DCP1B: variants seen among roughly 807,000 people sequenced by gnomAD.
DCP1B encodes mRNA-decapping enzyme 1B.
DCP1B carries 47 observed loss-of-function variants against 60.5 expected under a neutral mutation model. The observed-to-expected ratio is 0.78, with a 90% CI of 0.61 to 0.99. DCP1B has a LOEUF of 0.99. DCP1B is among the 50% of genes least tolerant of loss of function. The pLI, the probability that DCP1B is intolerant of heterozygous loss-of-function variation, is 0.00. For synonymous variants in DCP1B, 267 were observed against 280.3 expected, an observed-to-expected ratio of 0.95 and a Z score of 0.47; for missense variants, 725 against 756.8, an observed-to-expected ratio of 0.96 and a Z score of 0.49.
At chr12:1,970,421 C>A (rs545283285) in intron 3 of DCP1B, among the ~76,000 whole-genome samples, 4,128 of 152,076 alleles carry the variant, frequency 0.027, 92 homozygotes, top group Middle Eastern at 0.054. Flanking sequence ...GAAAAAAAAA[C>A]CATTAACCAA....
chr12:1,966,385 G>C (rs562344773), intron 4 of DCP1B, among the ~76,000 whole-genome samples: 6 of 152,306 alleles, frequency 3.9e-5, no homozygotes, highest in African/African-American at 1.4e-4. Context: ...AGATAGACCA[G>C]ATTGCTCCTA....
chr12:1,948,529 T>C lies in DCP1B; in HGVS notation c.1773+557A>G, dbSNP rs1345967124. On this transcript the variant is annotated intron_variant, in intron 8 of 8. Transcript: ENST00000280665. The surrounding 1 kb of genome is among the most constrained non-coding windows in gnomAD (Gnocchi z 4.8). ...TATTATAGCACTCATTATTATTTCA[T>C]AATTTCATAGGCAAGTGAGGCTAGC... 6.6e-6 allele frequency among the ~76,000 whole-genome samples: 1 copy of C among 152,340 alleles called. No homozygotes were observed. Among genetic ancestry groups the C allele is most frequent in the East Asian group, 1.9e-4 (1 of 5,188 alleles).
intron 5 of DCP1B, among the ~76,000 whole-genome samples, chr12:1,959,650 C>G (rs2031047628): frequency 6.6e-6 from 1 of 152,150 alleles, no homozygotes; most frequent in African/African-American, 2.4e-5. Flanking sequence ...TATTAGTTAG[C>G]ATAGCTATTA....
At chr12:1,965,281 C>T (rs2031254512) in intron 5 of DCP1B, among the ~76,000 whole-genome samples, 1 of 152,082 alleles carries the variant, frequency 6.6e-6, no homozygotes, top group Admixed American at 6.5e-5. Context: ...TCTAACAAGA[C>T]TTACTACCAG....
chr12:1,946,345 T>C lies in DCP1B; in HGVS notation c.1774-59A>G, dbSNP rs541255463. On this transcript the variant is annotated intron_variant, in intron 8 of 8. Transcript: ENST00000280665. Reference sequence around the variant, plus strand: ...TACTTGGTTGGCAGACACAAAAGGCTTCCTCTGTCTTAGAGCTGAACTGGC... The same window carrying C: ...TACTTGGTTGGCAGACACAAAAGGCCTCCTCTGTCTTAGAGCTGAACTGGC... The C allele has an allele frequency of 3.6e-6, 5 of 1,376,690 alleles. No individual in the cohort carries two copies. In the East Asian group the frequency reaches 9.6e-5, roughly 26 times the overall value. 85.3% of individuals were successfully genotyped at this position (1,376,690 alleles called of 1,614,324 possible). A position where few individuals can be genotyped will look rare whatever the true frequency, so the allele number is the denominator to read the frequency against.
At position 1,952,957 on chromosome 12, in the gene DCP1B, A is replaced by G; in HGVS notation, c.983T>C (p.Phe328Ser). The G allele has an allele frequency of 6.2e-7, 1 of 1,614,122 alleles. No homozygotes were observed. Among genetic ancestry groups the G allele is most frequent in the Non-Finnish European group, 8.5e-7 (1 of 1,179,982 alleles). The stretch of plus-strand genomic sequence containing the variant: ...AGACCCTGGCTGGACAGGTCCTGTA[A>G]AAAATTCTCCCGCAGAATGGGTACT... ...NGSTHSAGEF[F>S]TGPVQPGSPH... The change falls in exon 7 of 9, where the codon TTT becomes TCT. Residue 328 changes from phenylalanine (F) to serine (S), a missense_variant. Physicochemically the swap from Phe to Ser is radical, Grantham distance 155. Coordinates refer to ENST00000280665, the MANE Select transcript of DCP1B (RefSeq NM_152640.5).
At position 1,991,565 on chromosome 12, in the gene DCP1B, T is replaced by C. The variant is rs141260908; in HGVS notation, c.319+1699A>G. ...AGGTTTTTTCCTTTTTTTTTTGCACTGTCTGACAGTTGGTGCCTGTTGGAC... is the reference window on the plus strand; with the variant it reads ...AGGTTTTTTCCTTTTTTTTTTGCACCGTCTGACAGTTGGTGCCTGTTGGAC... On this transcript the variant is annotated intron_variant, in intron 3 of 8. Coordinates refer to ENST00000280665, the MANE Select transcript of DCP1B (RefSeq NM_152640.5). 8.5e-5 allele frequency: 21 copies of C among 246,590 alleles called. No individual in the cohort carries two copies. In the East Asian group the frequency reaches 1.7e-3, roughly 20 times the overall value. The allele number at this position is 246,590 out of a possible 1,614,324, so 15.3% of individuals were successfully genotyped here.
chr12:1,979,646 TG>T lies in DCP1B; in HGVS notation c.320-11737del, dbSNP rs1306650387. On this transcript the variant is annotated intron_variant, in intron 3 of 8. Transcript: ENST00000280665. ...TAAGTAAATAACTACGAACGGAACT[TG>T]TTGGATCATACGCTAGTTATATGTT... Among the ~76,000 whole-genome samples, 4 of 152,254 alleles carry T rather than the reference TG, an allele frequency of 2.6e-5. No homozygotes were observed. In the East Asian group the frequency reaches 7.7e-4, roughly 29 times the overall value.
In DCP1B at chr12:2,001,033, G is replaced by A. The variant is rs570296919; in HGVS notation, c.151-3058C>T. Among the ~76,000 whole-genome samples, 13 of 106,910 alleles carry A rather than the reference G, an allele frequency of 1.2e-4. No homozygotes were observed. In the East Asian group the frequency reaches 3.0e-3, roughly 24 times the overall value. 70.1% of individuals were successfully genotyped at this position (106,910 alleles called of 152,430 possible). A position where few individuals can be genotyped will look rare whatever the true frequency, so the allele number is the denominator to read the frequency against. ...GCCTGGGGAACAAGAGCGAGACTTC[G>A]TCTCAAAAAAAAAAAAAAAAGAGAG... On this transcript the variant is annotated intron_variant, in intron 1 of 8. Transcript: ENST00000280665.
At chr12:1,985,955 T>A (rs564788125) in intron 3 of DCP1B, among the ~76,000 whole-genome samples, 1 of 152,106 alleles carries the variant, frequency 6.6e-6, no homozygotes, top group Non-Finnish European at 1.5e-5. Flanking sequence ...GGACTGCAGG[T>A]GCCTGCCACC....
intron 1 of DCP1B, among the ~76,000 whole-genome samples, chr12:1,998,401 C>T (rs2041437792): frequency 2.6e-5 from 4 of 152,128 alleles, no homozygotes; most frequent in Admixed American, 2.6e-4. Context: ...TTTCTGGGTT[C>T]ATTTTCTCCT....
intron 3 of DCP1B, among the ~76,000 whole-genome samples, chr12:1,979,713 T>C (rs2035562454): frequency 6.6e-6 from 1 of 152,254 alleles, no homozygotes; most frequent in Admixed American, 6.5e-5. Flanking sequence ...CCAAAGTAGT[T>C]GTAGCATATT....
At position 1,955,564 on chromosome 12, in the gene DCP1B, A is replaced by C. The variant is rs758675648; in HGVS notation, c.523-4T>G. 1.2e-6 allele frequency: 2 copies of C among 1,607,142 alleles called. No homozygotes were observed. The highest frequency in any genetic ancestry group is 2.2e-5 in the South Asian group (2 of 89,480). The stretch of plus-strand genomic sequence containing the variant: ...TTGGCTCAGAACAGGTTTTACACTG[A>C]AATAGAAAAGAAAATCCCCTCATTT... On this transcript the variant is annotated splice_region_variant and splice_polypyrimidine_tract_variant and intron_variant, in intron 5 of 8. Coordinates refer to ENST00000280665, the MANE Select transcript of DCP1B (RefSeq NM_152640.5).
chr12:1,998,077 G>T, intron 1 of DCP1B, 102 bp from the exon 2 acceptor site: 1 of 970,658 alleles, frequency 1.0e-6, no homozygotes, highest in Non-Finnish European at 1.5e-6. Flanking sequence ...TAACTTCAAT[G>T]GGCCAAATAT....
At chr12:1,969,578 G>GTTCTGAA (rs1279222252) in intron 3 of DCP1B, among the ~76,000 whole-genome samples, 8 of 139,682 alleles carry the variant, frequency 5.7e-5, no homozygotes, top group African/African-American at 2.1e-4. Context: ...GAACGTCTGA[G>GTTCTGAA]TTCTGAAGCC....
chr12:1,993,289 A>T lies in DCP1B; in HGVS notation c.294T>A (p.Pro98=), dbSNP rs150415068. ...TKDLDFQLQD[P]FLLYRNARLS... is the part of the protein sequence containing the mutation. ...ATCTGGCATTTCTGTAGAGAAGGAA[A>T]GGGTCCTGGAGTTGGAAATCCAAGT... The change falls in exon 3 of 9, where the codon CCT becomes CCA. Residue 98 remains proline (P), a synonymous_variant. Coordinates refer to ENST00000280665, the MANE Select transcript of DCP1B (RefSeq NM_152640.5). 2 of 1,614,156 alleles carry T rather than the reference A, an allele frequency of 1.2e-6. No homozygotes were observed. Among genetic ancestry groups the T allele is most frequent in the Non-Finnish European group, 1.7e-6 (2 of 1,179,996 alleles).
chr12:1,999,888 G>C (rs956035050), intron 1 of DCP1B, among the ~76,000 whole-genome samples: 3 of 152,130 alleles, frequency 2.0e-5, no homozygotes, highest in Admixed American at 2.0e-4. Flanking sequence ...TTTCTGAAAT[G>C]TGGCTCGTTT....
intron 3 of DCP1B, chr12:1,970,646 A>G (rs2031959801): frequency 6.4e-6 from 1 of 156,038 alleles, no homozygotes; most frequent in Non-Finnish European, 1.4e-5. Flanking sequence ...GGGTCTATCA[A>G]AGCAGTCTGT....
intron 3 of DCP1B, among the ~76,000 whole-genome samples, chr12:1,972,150 G>T (rs534991913): frequency 6.6e-6 from 1 of 152,174 alleles, no homozygotes; most frequent in Non-Finnish European, 1.5e-5. Flanking sequence ...GGAAAGCCAC[G>T]GAAACGTGGT....
Sources: gnomAD v4.1 joint callset for allele counts (sites outside exome capture counted in the v4.1 genomes callset) on GRCh38, gnomAD v4.1.1 for gene constraint, Gnocchi (gnomAD v3.1) non-coding constraint, MANE v1.5 for transcripts, NCBI Gene and HGNC (gene_info 2026-07-23, HGNC 2026-07-21) for gene names.